The following ZNF423 variants were observed in gnomAD, a reference collection of about 807,000 sequenced individuals.
ZNF423 encodes Ebf-associated zinc finger protein.
In ZNF423, 12 loss-of-function variants were observed where a neutral mutation model predicts 95.8. The ratio of observed to expected loss-of-function variants is 0.13; its 90% CI spans 0.08 to 0.20. The LOEUF (loss-of-function observed/expected upper bound fraction) is 0.20. Among genes scored for constraint, ZNF423 ranks in the 10% least tolerant of loss-of-function variants. The probability of loss-of-function intolerance (pLI) is 1.00; values close to 1 mark genes in which losing one functional copy is unlikely to be tolerated. For synonymous variants in ZNF423, 749 were observed against 711.9 expected, an observed-to-expected ratio of 1.05 and a Z score of -0.83; for missense variants, 1,316 against 1,737.1, an observed-to-expected ratio of 0.76 and a Z score of 4.31.
chr16:49,775,092 A>G (rs966144163), intron 2 of ZNF423, among the ~76,000 whole-genome samples: 4 of 152,194 alleles, frequency 2.6e-5, no homozygotes, highest in South Asian at 2.1e-4. Context: ...GCTGTACTGC[A>G]TGGAACTCCA....
chr16:49,804,052 C>T (rs2034623863), intron 1 of ZNF423, among the ~76,000 whole-genome samples: 1 of 151,488 alleles, frequency 6.6e-6, no homozygotes, highest in African/African-American at 2.4e-5. Context: ...TCTCCTGCCT[C>T]AGCCTCCCCA....
rs138605553 is a variant in ZNF423, at chr16:49,776,813, C to T, written c.100+12674G>A. 6.8e-3 allele frequency among the ~76,000 whole-genome samples: 1,035 copies of T among 152,232 alleles called. 11 individuals carry two copies. Among genetic ancestry groups the T allele is most frequent in the African/African-American group, 0.023 (969 of 41,536 alleles). ...AAGAATGTCTAGGGCCCTGAGGGTACGACAAAGAAATGGAAGAAAGAAAAC... is the reference window on the plus strand; with the variant it reads ...AAGAATGTCTAGGGCCCTGAGGGTATGACAAAGAAATGGAAGAAAGAAAAC... On this transcript the variant is annotated intron_variant, in intron 2 of 7. Transcript: ENST00000563137.
chr16:49,564,865 C>T (rs978705947), intron 5 of ZNF423, among the ~76,000 whole-genome samples: 7 of 152,246 alleles, frequency 4.6e-5, no homozygotes, highest in African/African-American at 1.7e-4. Context: ...TACAAAGTTC[C>T]TGGTCTGGGC....
chr16:49,791,998 A>C (rs1049226741), intron 1 of ZNF423, among the ~76,000 whole-genome samples: 2 of 138,062 alleles, frequency 1.4e-5, no homozygotes, highest in East Asian at 4.2e-4. Flanking sequence ...ACGAGACTCC[A>C]TCTCAAAAAA....
chr16:49,513,028 G>A (rs376682064), intron 7 of ZNF423, among the ~76,000 whole-genome samples: 4 of 152,240 alleles, frequency 2.6e-5, no homozygotes, highest in East Asian at 3.9e-4. Flanking sequence ...CCCGGGAGGC[G>A]GAGATTGCAG....
At chr16:49,600,754 AGGCTCCCTCGGCCACAGACCCAGGCC>A in intron 5 of ZNF423, among the ~76,000 whole-genome samples, 1 of 152,292 alleles carries the variant, frequency 6.6e-6, no homozygotes, top group East Asian at 1.9e-4. Flanking sequence ...ATGGCCCCGA[AGGCTCCCTCGGCCACAGACCCAGGCC>A]GGAGTGAGTG....
intron 3 of ZNF423, among the ~76,000 whole-genome samples, chr16:49,699,204 G>T (rs1264327076): frequency 6.6e-6 from 1 of 152,194 alleles, no homozygotes; most frequent in Non-Finnish European, 1.5e-5. Flanking sequence ...TGACGTCAGG[G>T]GGTAATTGGG....
At chr16:49,790,077 G>C (rs1438672401) in intron 1 of ZNF423, among the ~76,000 whole-genome samples, 1 of 152,100 alleles carries the variant, frequency 6.6e-6, no homozygotes, top group Non-Finnish European at 1.5e-5. Flanking sequence ...CACACCCCAG[G>C]ACATAAGCCC....
rs1972844712 is a variant in ZNF423, at chr16:49,638,467, G to T, written c.709C>A (p.Arg237Ser). ...AGCGAGCTGGTGGAGGAGAAGCCGC[G>T]CTTGCACACAGTGCACTTGAAGGGC... ...SKPFKCTVCK[R>S]GFSSTSSLQS... The change falls in exon 4 of 8, where the codon CGC (arginine) becomes AGC (serine). Residue 237 changes from arginine (R) to serine (S), a missense_variant. By Grantham distance (110) the Arg-to-Ser change is moderately radical (BLOSUM62 -1). Transcript: ENST00000563137. This position sits in a 1 kb window ranked among gnomAD's most constrained non-coding sequence, Gnocchi z 5.6. 1.9e-6 allele frequency: 3 copies of T among 1,613,882 alleles called. No individual in the cohort carries two copies. Among genetic ancestry groups the T allele is most frequent in the Non-Finnish European group, 2.5e-6 (3 of 1,180,036 alleles).
intron 5 of ZNF423, among the ~76,000 whole-genome samples, chr16:49,608,571 G>A (rs1450670436): frequency 1.3e-5 from 2 of 152,194 alleles, no homozygotes; most frequent in African/African-American, 4.8e-5. Flanking sequence ...GAAGAAGCCA[G>A]ACCAGCCAGG....
chr16:49,807,503 C>T (rs1026613707), intron 1 of ZNF423, among the ~76,000 whole-genome samples: 1 of 152,088 alleles, frequency 6.6e-6, no homozygotes, highest in Admixed American at 6.6e-5. Context: ...TGGTTCCAAA[C>T]ACTTTTTCAT....
Position 49,637,148 on chromosome 16 carries a change from T to C in ZNF423, c.2028A>G (p.Lys676=). 6.2e-7 allele frequency: 1 copy of C among 1,613,644 alleles called. No homozygotes were observed. Among genetic ancestry groups the C allele is most frequent in the Non-Finnish European group, 8.5e-7 (1 of 1,180,012 alleles). ...GGGACTCCTGGGAGTCAAAGTCCTCTTTGCACTGGGGGCACGCTTGCTTCC... is the reference window on the plus strand; with the variant it reads ...GGGACTCCTGGGAGTCAAAGTCCTCCTTGCACTGGGGGCACGCTTGCTTCC... The part of the protein sequence containing the change: ...LLRKQACPQC[K]EDFDSQESLL... The change falls in exon 4 of 8, where the codon AAA becomes AAG. Residue 676 remains lysine (K), a synonymous_variant. Coordinates refer to ENST00000563137, the MANE Select transcript of ZNF423 (RefSeq NM_001379286.1). This position sits in a 1 kb window ranked among gnomAD's most constrained non-coding sequence, Gnocchi z 5.6.
chr16:49,643,854 T>C (rs972740924), intron 3 of ZNF423, among the ~76,000 whole-genome samples: 20 of 151,774 alleles, frequency 1.3e-4, no homozygotes, highest in African/African-American at 4.4e-4. Context: ...TTCAATTAAG[T>C]TGAAAAAAGA....
At position 49,840,754 on chromosome 16, in the gene ZNF423, C is replaced by G. The variant is rs568627276; in HGVS notation, c.40+14981G>C. Among the ~76,000 whole-genome samples, 17 of 152,318 alleles carry G rather than the reference C, an allele frequency of 1.1e-4. No individual in the cohort carries two copies. The East Asian group carries it at 3.3e-3, about 29-fold the overall frequency. On this transcript the variant is annotated intron_variant, in intron 1 of 7. Transcript: ENST00000563137. ...GTACACACAGACTCACACACATGCA[C>G]ACACATACCCAACAGGTACCCACAC...
In ZNF423 at chr16:49,722,982, G is replaced by A. The variant is rs535350820; in HGVS notation, c.301+7789C>T. Reference sequence around the variant, plus strand: ...TTTTTTTTTTTTTTTTTGAGACTGAGTGTCACTCTGTCGCCCAGGCTGGAA... The same window carrying A: ...TTTTTTTTTTTTTTTTTGAGACTGAATGTCACTCTGTCGCCCAGGCTGGAA... On this transcript the variant is annotated intron_variant, in intron 3 of 7. Transcript: ENST00000563137. Among the ~76,000 whole-genome samples the A allele has an allele frequency of 3.7e-3, 522 of 142,096 alleles. 4 individuals are homozygous for A. Among genetic ancestry groups the A allele is most frequent in the Middle Eastern group, 7.5e-3 (2 of 266 alleles). The allele number at this position is 142,096 out of a possible 152,430, so 93.2% of individuals were successfully genotyped here.
At chr16:49,772,808 A>G (rs976752225) in intron 2 of ZNF423, among the ~76,000 whole-genome samples, 9 of 152,240 alleles carry the variant, frequency 5.9e-5, no homozygotes, top group Non-Finnish European at 1.3e-4. Flanking sequence ...TCTCACCCAC[A>G]TCACAGGTTG....
chr16:49,799,383 T>G (rs1162118291), intron 1 of ZNF423, among the ~76,000 whole-genome samples: 1 of 152,162 alleles, frequency 6.6e-6, no homozygotes, highest in Non-Finnish European at 1.5e-5. Flanking sequence ...TTTTGAGCAG[T>G]GAGATCAAAT....
At chr16:49,808,337 C>T (rs1251335951) in intron 1 of ZNF423, among the ~76,000 whole-genome samples, 1 of 152,116 alleles carries the variant, frequency 6.6e-6, no homozygotes, top group East Asian at 1.9e-4. Flanking sequence ...ACTGGGATTA[C>T]AGATGTGAGC....
At chr16:49,716,671 C>T (rs1016612586) in intron 3 of ZNF423, among the ~76,000 whole-genome samples, 2 of 152,172 alleles carry the variant, frequency 1.3e-5, no homozygotes, top group Admixed American at 1.3e-4. Flanking sequence ...AATTTCCTTG[C>T]TCTTTTCCTG....
Sources: gnomAD v4.1 joint callset for allele counts (sites outside exome capture counted in the v4.1 genomes callset) on GRCh38, gnomAD v4.1.1 for gene constraint, Gnocchi (gnomAD v3.1) non-coding constraint, MANE v1.5 for transcripts, NCBI Gene and HGNC (gene_info 2026-07-23, HGNC 2026-07-21) for gene names.